The following RBMS1 variants were observed in gnomAD, a reference collection of about 807,000 sequenced individuals.
RBMS1 encodes the protein RNA binding motif single stranded interacting protein 1, also known as RNA-binding motif, single-stranded-interacting protein 1.
Under a neutral mutation model 62.3 loss-of-function variants are expected in RBMS1, and 17 were observed. The ratio of observed to expected loss-of-function variants is 0.27; its 90% CI spans 0.19 to 0.41. The LOEUF is 0.41. Ranked by LOEUF, RBMS1 falls within the 10% of genes least tolerant of loss-of-function variation. The pLI is 1.00. For synonymous variants in RBMS1, 172 were observed against 170.0 expected (o/e 1.01, Z -0.09); for missense variants, 334 against 504.5 (o/e 0.66, Z 3.24).
intron 6 of RBMS1, among the ~76,000 whole-genome samples, chr2:160,295,712 C>G (rs1417600673): frequency 6.6e-6 from 1 of 152,140 alleles, no homozygotes; most frequent in Non-Finnish European, 1.5e-5. Context: ...AATGACAAAA[C>G]CACGAAGTTC....
intron 1 of RBMS1, among the ~76,000 whole-genome samples, chr2:160,401,254 CA>C (rs1336215796): frequency 1.3e-5 from 2 of 152,074 alleles, no homozygotes; most frequent in Non-Finnish European, 2.9e-5. Flanking sequence ...TATGAAATTC[CA>C]TATGTTTAAA....
At chr2:160,303,609 G>A in intron 4 of RBMS1, 122 bp from the exon 5 acceptor site, 5 of 1,040,804 alleles carry the variant, frequency 4.8e-6, no homozygotes, top group Non-Finnish European at 7.0e-6. Context: ...CAGAACCTCA[G>A]AACACCAAAG....
intron 2 of RBMS1, among the ~76,000 whole-genome samples, chr2:160,328,708 C>T (rs1186673839): frequency 6.6e-6 from 1 of 152,042 alleles, no homozygotes; most frequent in African/African-American, 2.4e-5. Context: ...TGGGGTGGGG[C>T]GGAACGTGTG....
chr2:160,314,847 T>C (rs1690122498), intron 3 of RBMS1, among the ~76,000 whole-genome samples: 1 of 152,164 alleles, frequency 6.6e-6, no homozygotes, highest in Non-Finnish European at 1.5e-5. Context: ...ATATCTTGGA[T>C]GTTTTTTTAG....
intron 1 of RBMS1, among the ~76,000 whole-genome samples, chr2:160,486,118 G>T (rs1207264886): frequency 6.6e-6 from 1 of 152,064 alleles, no homozygotes; most frequent in Non-Finnish European, 1.5e-5. Flanking sequence ...TGGTAAGGGA[G>T]GGTTTAGGGG....
At chr2:160,293,801 C>G (rs550664761) in intron 6 of RBMS1, among the ~76,000 whole-genome samples, 69 of 152,268 alleles carry the variant, frequency 4.5e-4, no homozygotes, top group Non-Finnish European at 7.9e-4. Context: ...TACTCTCTTC[C>G]AGGAAGGTCC....
intron 1 of RBMS1, among the ~76,000 whole-genome samples, chr2:160,410,600 A>T (rs1695986690): frequency 6.6e-6 from 1 of 152,252 alleles, no homozygotes; most frequent in South Asian, 2.1e-4. Flanking sequence ...TTACAGGGAC[A>T]GATCCTGGTG....
chr2:160,370,172 T>C (rs965550050), intron 1 of RBMS1, among the ~76,000 whole-genome samples: 3 of 152,210 alleles, frequency 2.0e-5, no homozygotes, highest in Non-Finnish European at 4.4e-5. Flanking sequence ...GTGAATCCTA[T>C]ACAGAACAAA....
chr2:160,407,597 G>A, intron 1 of RBMS1: 2 of 982,796 alleles, frequency 2.0e-6, no homozygotes, highest in African/African-American at 1.8e-5. Context: ...GCCGCGAGGG[G>A]GAGGGCGCAA....
At chr2:160,373,622 T>C (rs150857481) in intron 1 of RBMS1, among the ~76,000 whole-genome samples, 1 of 152,300 alleles carries the variant, frequency 6.6e-6, no homozygotes, top group Admixed American at 6.5e-5. Context: ...TAACAGCATT[T>C]ATAAGGGGTA....
intron 1 of RBMS1, among the ~76,000 whole-genome samples, chr2:160,442,353 T>TC (rs397781369): frequency 2.6e-5 from 4 of 152,066 alleles, no homozygotes; most frequent in Non-Finnish European, 4.4e-5. Context: ...TTCATTTTTT[T>TC]CCCAGAGAGA....
At chr2:160,305,914 C>A (rs1689482562) in intron 4 of RBMS1, among the ~76,000 whole-genome samples, 1 of 152,056 alleles carries the variant, frequency 6.6e-6, no homozygotes, top group Admixed American at 6.6e-5. Context: ...GTGGGAGGAT[C>A]ATTTGGGACC....
At chr2:160,371,553 C>T (rs1281810495) in intron 1 of RBMS1, among the ~76,000 whole-genome samples, 1 of 152,180 alleles carries the variant, frequency 6.6e-6, no homozygotes, top group Non-Finnish European at 1.5e-5. Flanking sequence ...CAAGCTAATT[C>T]AATTTTCTTG....
At chr2:160,373,553 G>A (rs1693843690) in intron 1 of RBMS1, among the ~76,000 whole-genome samples, 1 of 152,176 alleles carries the variant, frequency 6.6e-6, no homozygotes, top group African/African-American at 2.4e-5. Context: ...TGCCCACTGA[G>A]AACTCTGGGC....
Position 160,300,741 on chromosome 2 carries a change from T to C in RBMS1, c.561-11A>G, listed in dbSNP as rs750253574. On this transcript the variant is annotated splice_polypyrimidine_tract_variant and intron_variant, in intron 5 of 13. Transcript: ENST00000348849. Reference sequence around the variant, plus strand: ...TCTGTTGATTCCATCCTATTTATAATAAAAATAGAATACATAAATATTTAA... The same window carrying C: ...TCTGTTGATTCCATCCTATTTATAACAAAAATAGAATACATAAATATTTAA... 1.9e-6 allele frequency: 3 copies of C among 1,572,318 alleles called. No individual in the cohort carries two copies. Among genetic ancestry groups the C allele is most frequent in the East Asian group, 2.3e-5 (1 of 43,582 alleles).
chr2:160,302,092 C>T (rs1472780017), intron 5 of RBMS1, among the ~76,000 whole-genome samples: 1 of 151,928 alleles, frequency 6.6e-6, no homozygotes, highest in African/African-American at 2.4e-5. Context: ...AGTATTTTTC[C>T]ATCAGAAACC....
chr2:160,387,163 T>C (rs1003415847), intron 1 of RBMS1, among the ~76,000 whole-genome samples: 10 of 152,172 alleles, frequency 6.6e-5, no homozygotes, highest in African/African-American at 2.2e-4. Context: ...AGCTGTTCAA[T>C]AGCCCTATAT....
chr2:160,336,882 A>G (rs1159051181), intron 2 of RBMS1, among the ~76,000 whole-genome samples: 1 of 152,208 alleles, frequency 6.6e-6, no homozygotes, highest in East Asian at 1.9e-4. Flanking sequence ...CATGGGAAAT[A>G]GTAGCTTGGC....
rs558875698 is a variant in RBMS1 at position 160,313,340 on chromosome 2, C to G, written c.311-93G>C. The G allele has an allele frequency of 9.4e-5, 115 of 1,228,272 alleles. No homozygotes were observed. The Middle Eastern group carries it at 9.6e-4, about 10-fold the overall frequency. The allele number at this position is 1,228,272 out of a possible 1,614,324, so 76.1% of individuals were successfully genotyped here. A position where few individuals can be genotyped will look rare whatever the true frequency, so the allele number is the denominator to read the frequency against. ...AGCTCTACTTTGTTTCTGGTGTGGG[C>G]AAGAGACATGAAAATGTCCTGAGGG... On this transcript the variant is annotated intron_variant, in intron 3 of 13. Transcript: ENST00000348849.
Sources: gnomAD v4.1 joint callset for allele counts (sites outside exome capture counted in the v4.1 genomes callset) on GRCh38, gnomAD v4.1.1 for gene constraint, MANE v1.5 for transcripts, NCBI Gene and HGNC (gene_info 2026-07-23, HGNC 2026-07-21) for gene names.